FNIP1: variants seen among roughly 807,000 people sequenced by gnomAD.
FNIP1 encodes the protein folliculin-interacting protein 1.
Under a neutral mutation model 124.5 loss-of-function variants are expected in FNIP1, and 40 were observed. That is an observed-to-expected ratio of 0.32 (90% CI 0.25 to 0.42). The LOEUF (loss-of-function observed/expected upper bound fraction) is 0.42. Among genes scored for constraint, FNIP1 ranks in the 10% least tolerant of loss-of-function variants. The pLI is 1.00. For missense variants in FNIP1, 1,176 were observed against 1,403.7 expected, an observed-to-expected ratio of 0.84 and a Z score of 2.59; for synonymous variants, 472 against 470.6, an observed-to-expected ratio of 1.00 and a Z score of -0.04.
At chr5:131,717,293 C>A (rs916367844) in intron 5 of FNIP1, among the ~76,000 whole-genome samples, 1 of 152,106 alleles carries the variant, frequency 6.6e-6, no homozygotes, top group Non-Finnish European at 1.5e-5. Context: ...CAGCTTCATC[C>A]ATGTCCCTAC....
At chr5:131,739,979 C>T (rs1770460221) in intron 2 of FNIP1, among the ~76,000 whole-genome samples, 1 of 152,050 alleles carries the variant, frequency 6.6e-6, no homozygotes, top group Admixed American at 6.6e-5. Context: ...CTATTTAGTT[C>T]CAGACACTAC....
At chr5:131,675,201 A>G (rs1561648769) in intron 13 of FNIP1, among the ~76,000 whole-genome samples, 2 of 152,166 alleles carry the variant, frequency 1.3e-5, no homozygotes, top group South Asian at 2.1e-4. Context: ...CCTTTCCTCA[A>G]TATCTCTGCC....
At chr5:131,773,768 C>G (rs1771717451) in intron 1 of FNIP1, among the ~76,000 whole-genome samples, 1 of 152,116 alleles carries the variant, frequency 6.6e-6, no homozygotes, top group African/African-American at 2.4e-5. Flanking sequence ...TTATAATCCT[C>G]TATGAATTTC....
At chr5:131,720,925 C>A (rs990050380) in intron 3 of FNIP1, among the ~76,000 whole-genome samples, 3 of 152,106 alleles carry the variant, frequency 2.0e-5, no homozygotes, top group Non-Finnish European at 2.9e-5. Flanking sequence ...CATGGCAAGT[C>A]CTCCAAAAAT....
chr5:131,762,014 G>C (rs1771247971), intron 1 of FNIP1, among the ~76,000 whole-genome samples: 3 of 152,148 alleles, frequency 2.0e-5, no homozygotes, highest in African/African-American at 7.2e-5. Context: ...AGAAAGGACA[G>C]TCTCTTAATA....
At chr5:131,704,468 A>G (rs1769010630) in intron 9 of FNIP1, among the ~76,000 whole-genome samples, 1 of 152,166 alleles carries the variant, frequency 6.6e-6, no homozygotes, top group South Asian at 2.1e-4. Flanking sequence ...ATTTTACTAC[A>G]GAGTCAGATT....
chr5:131,701,182 T>C (rs141343199), intron 10 of FNIP1, among the ~76,000 whole-genome samples: 1 of 152,248 alleles, frequency 6.6e-6, no homozygotes, highest in African/African-American at 2.4e-5. Flanking sequence ...TGCACACTCT[T>C]ATGAGAATCT....
intron 15 of FNIP1, among the ~76,000 whole-genome samples, chr5:131,655,233 A>T (rs1767157199): frequency 3.9e-5 from 6 of 152,204 alleles, no homozygotes; most frequent in Admixed American, 3.9e-4. Flanking sequence ...GATGCATGCC[A>T]CAGTAGTGTG....
Position 131,711,875 on chromosome 5 carries a change from C to T in FNIP1, c.623-1214G>A, listed in dbSNP as rs985607643. Among the ~76,000 whole-genome samples the T allele has an allele frequency of 1.4e-4, 21 of 152,160 alleles. 1 individual carries two copies. Among genetic ancestry groups the T allele is most frequent in the African/African-American group, 5.1e-4 (21 of 41,422 alleles). On this transcript the variant is annotated intron_variant, in intron 6 of 17. Transcript: ENST00000510461. ...ATAATTACAGCACATGTACAGCAAT[C>T]CTTCCATGTCTCAATGGTCAGCTTT...
At position 131,677,839 on chromosome 5, in the gene FNIP1, G is replaced by A. The variant is rs1185520287; in HGVS notation, c.1383C>T (p.Thr461=). 11 of 1,613,988 alleles carry A rather than the reference G, an allele frequency of 6.8e-6. No individual in the cohort carries two copies. The highest frequency in any genetic ancestry group is 1.6e-4 in the Middle Eastern group (1 of 6,062). Residue 461 remains threonine, a synonymous_variant, in exon 13 of 18, where the codon ACC becomes ACT. Coordinates refer to ENST00000510461, the MANE Select transcript of FNIP1 (RefSeq NM_133372.3). ...FLPALITAVL[T]NHLAWVPTVM... is the part of the protein sequence containing the mutation. Reference sequence around the variant, plus strand: ...CTGTTGGAACCCAGGCAAGATGATTGGTCAGAACTGCAGTAATGAGAGCTG... The same window carrying A: ...CTGTTGGAACCCAGGCAAGATGATTAGTCAGAACTGCAGTAATGAGAGCTG...
At chr5:131,693,260 TAA>T (rs1242271274) in intron 11 of FNIP1, among the ~76,000 whole-genome samples, 1 of 78,608 alleles carries the variant, frequency 1.3e-5, no homozygotes, top group African/African-American at 4.6e-5. Context: ...ACCTGTCAAC[TAA>T]AAAAAAAAAA....
chr5:131,650,527 A>G (rs1767009264), intron 16 of FNIP1, among the ~76,000 whole-genome samples: 1 of 152,120 alleles, frequency 6.6e-6, no homozygotes, highest in South Asian at 2.1e-4. Flanking sequence ...TGGGATCTTT[A>G]TGTTTTCTAT....
intron 15 of FNIP1, among the ~76,000 whole-genome samples, chr5:131,656,066 T>C (rs1225384994): frequency 1.3e-5 from 2 of 152,132 alleles, no homozygotes; most frequent in Non-Finnish European, 2.9e-5. Flanking sequence ...AGTAAGACTC[T>C]GTCTCTAATA....
chr5:131,671,411 T>C (rs1239180464), intron 14 of FNIP1, 94 bp downstream of exon 14: 4 of 1,020,212 alleles, frequency 3.9e-6, no homozygotes, highest in Non-Finnish European at 5.7e-6. Context: ...TCCAGAACAA[T>C]GATCTCTTTT....
chr5:131,752,423 G>A (rs1435279877), intron 1 of FNIP1, among the ~76,000 whole-genome samples: 1 of 151,860 alleles, frequency 6.6e-6, no homozygotes, highest in Non-Finnish European at 1.5e-5. Context: ...AGAAACACAG[G>A]TGATTATGCC....
chr5:131,781,102 T>C (rs1771979485), intron 1 of FNIP1, among the ~76,000 whole-genome samples: 1 of 152,190 alleles, frequency 6.6e-6, no homozygotes, highest in Non-Finnish European at 1.5e-5. Flanking sequence ...GGATGGAAGA[T>C]CAAACCAGTC....
intron 1 of FNIP1, among the ~76,000 whole-genome samples, chr5:131,761,583 A>G (rs1245105942): frequency 6.6e-6 from 1 of 152,208 alleles, no homozygotes; most frequent in African/African-American, 2.4e-5. Flanking sequence ...AATAAAAATT[A>G]TGAAACAGTG....
At chr5:131,700,267 C>G (rs566979672) in intron 10 of FNIP1, among the ~76,000 whole-genome samples, 25 of 152,206 alleles carry the variant, frequency 1.6e-4, no homozygotes, top group Admixed American at 1.4e-3. Context: ...TAGGCATGAG[C>G]CACCATGCCT....
intron 15 of FNIP1, among the ~76,000 whole-genome samples, chr5:131,653,277 C>T (rs1767095781): frequency 6.6e-6 from 1 of 152,148 alleles, no homozygotes; most frequent in East Asian, 1.9e-4. Flanking sequence ...GTAGTTCACG[C>T]CTATAATGCA....
Sources: gnomAD v4.1 joint callset for allele counts (sites outside exome capture counted in the v4.1 genomes callset) on GRCh38, gnomAD v4.1.1 for gene constraint, MANE v1.5 for transcripts, NCBI Gene and HGNC (gene_info 2026-07-23, HGNC 2026-07-21) for gene names.